Variants in MARCHF1 observed in about 807,000 individuals in gnomAD.
MARCHF1 encodes the protein E3 ubiquitin-protein ligase MARCHF1.
A neutral mutation model predicts 54.2 loss-of-function variants in MARCHF1; 40 were observed. That is an observed-to-expected ratio of 0.74 (90% CI 0.57 to 0.96). MARCHF1 has a LOEUF of 0.96. Ranked by LOEUF, MARCHF1 falls within the 40% of genes least tolerant of loss-of-function variation. The pLI is 0.00. For missense variants in MARCHF1, 586 were observed against 656.5 expected (o/e 0.89, Z 1.17); for synonymous variants, 236 against 236.3 (o/e 1.00, Z 0.01).
chr4:164,032,691 T>C (rs1045116130), intron 2 of MARCHF1, among the ~76,000 whole-genome samples: 16 of 152,218 alleles, frequency 1.1e-4, no homozygotes, highest in African/African-American at 3.9e-4. Flanking sequence ...CACTGTGGTC[T>C]AACAGACCGT....
intron 3 of MARCHF1, among the ~76,000 whole-genome samples, chr4:163,907,821 C>T (rs568147700): frequency 6.6e-6 from 1 of 152,206 alleles, no homozygotes; most frequent in African/African-American, 2.4e-5. Flanking sequence ...AGGTTTATTA[C>T]TTTAGAACGA....
At chr4:163,797,623 C>A (rs79504425) in intron 4 of MARCHF1, among the ~76,000 whole-genome samples, 23,116 of 151,870 alleles carry the variant, frequency 0.15, 2,388 homozygotes, top group Non-Finnish European at 0.23. Flanking sequence ...GTTTGATACT[C>A]CAGTTCACTA....
intron 4 of MARCHF1, chr4:163,829,148 T>C (rs2111086402): frequency 6.6e-6 from 1 of 152,234 alleles, no homozygotes; most frequent in South Asian, 2.1e-4. Flanking sequence ...CAAAAATAAA[T>C]ATATATCTTT....
chr4:164,317,182 T>G (rs1735021887), intron 1 of MARCHF1, among the ~76,000 whole-genome samples: 1 of 152,224 alleles, frequency 6.6e-6, no homozygotes, highest in Admixed American at 6.5e-5. Context: ...CTAAATTATA[T>G]TATGTGCAAA....
At chr4:164,194,855 C>A (rs1364764330) in intron 1 of MARCHF1, among the ~76,000 whole-genome samples, 2 of 151,970 alleles carry the variant, frequency 1.3e-5, no homozygotes, top group Non-Finnish European at 1.5e-5. Flanking sequence ...AGGTTTGTTA[C>A]ATAGATATAT....
intron 1 of MARCHF1, among the ~76,000 whole-genome samples, chr4:164,129,275 T>TG (rs1756250972): frequency 6.6e-6 from 1 of 152,156 alleles, no homozygotes; most frequent in East Asian, 1.9e-4. Context: ...TTCGGAAATA[T>TG]GATCTCATAA....
intron 3 of MARCHF1, among the ~76,000 whole-genome samples, chr4:163,881,385 C>T (rs1260169227): frequency 2.0e-5 from 3 of 152,032 alleles, no homozygotes; most frequent in Non-Finnish European, 4.4e-5. Context: ...GCAGGAGAAT[C>T]GCTTGAACCT....
At chr4:164,253,416 T>C (rs1175497260) in intron 1 of MARCHF1, among the ~76,000 whole-genome samples, 1 of 152,148 alleles carries the variant, frequency 6.6e-6, no homozygotes, top group Non-Finnish European at 1.5e-5. Context: ...TAAAGTAAGC[T>C]CAATGAATTA....
At chr4:163,869,190 T>C (rs1750118545) in intron 3 of MARCHF1, among the ~76,000 whole-genome samples, 1 of 151,874 alleles carries the variant, frequency 6.6e-6, no homozygotes, top group South Asian at 2.1e-4. Context: ...GTGAGTGAGT[T>C]TGGTAACATT....
At chr4:164,213,227 A>ATTG (rs1243608056) in intron 1 of MARCHF1, among the ~76,000 whole-genome samples, 1 of 146,514 alleles carries the variant, frequency 6.8e-6, no homozygotes, top group Non-Finnish European at 1.5e-5. Flanking sequence ...TATTATTATT[A>ATTG]TTATTATTAT....
chr4:163,709,611 G>C (rs886923922), intron 4 of MARCHF1, among the ~76,000 whole-genome samples: 1 of 152,104 alleles, frequency 6.6e-6, no homozygotes, highest in Non-Finnish European at 1.5e-5. Flanking sequence ...GCAAGAAACA[G>C]TTAATGTTCA....
At chr4:164,060,687 A>G (rs1754596645) in intron 2 of MARCHF1, among the ~76,000 whole-genome samples, 2 of 152,164 alleles carry the variant, frequency 1.3e-5, no homozygotes, top group South Asian at 4.1e-4. Context: ...GTCCCCTAGG[A>G]ACAGAACTTG....
In MARCHF1 at chr4:163,527,229, A is replaced by C. The variant is rs763156097; in HGVS notation, c.*1519T>G. The C allele has an allele frequency of 6.6e-6, 1 of 152,202 alleles. No individual in the cohort carries two copies. Among genetic ancestry groups the C allele is most frequent in the Non-Finnish European group, 1.5e-5 (1 of 67,940 alleles). The allele number at this position is 152,202 out of a possible 1,614,324, so 9.4% of individuals were successfully genotyped here. A position where few individuals can be genotyped will look rare whatever the true frequency, so the allele number is the denominator to read the frequency against. ...TCATTCACACATCAGTTTTACATGA[A>C]TATGCAAAGAACACAATAATCAACT... On this transcript the variant is annotated 3_prime_UTR_variant, in exon 10 of 10. Transcript: ENST00000514618.
At chr4:163,934,924 GT>G (rs1268435714) in intron 3 of MARCHF1, among the ~76,000 whole-genome samples, 1 of 152,096 alleles carries the variant, frequency 6.6e-6, no homozygotes, top group African/African-American at 2.4e-5. Flanking sequence ...CTTTCCAGAG[GT>G]TTTCAATTTA....
intron 1 of MARCHF1, among the ~76,000 whole-genome samples, chr4:164,143,221 G>C (rs894726736): frequency 6.6e-6 from 1 of 152,054 alleles, no homozygotes; most frequent in Non-Finnish European, 1.5e-5. Context: ...GTGACTGGGA[G>C]AATGGAACCA....
At chr4:164,084,733 T>C (rs957428440) in intron 2 of MARCHF1, among the ~76,000 whole-genome samples, 12 of 151,558 alleles carry the variant, frequency 7.9e-5, no homozygotes, top group African/African-American at 2.7e-4. Context: ...GCAATGTTTT[T>C]TCAGTGTTCT....
At chr4:164,376,028 G>A (rs1295187505) in intron 1 of MARCHF1, among the ~76,000 whole-genome samples, 3 of 152,084 alleles carry the variant, frequency 2.0e-5, no homozygotes, top group African/African-American at 7.2e-5. Flanking sequence ...ATGTGCACTG[G>A]CTTGTGTGAT....
chr4:163,718,347 A>T (rs1394453604), intron 4 of MARCHF1, among the ~76,000 whole-genome samples: 1 of 152,222 alleles, frequency 6.6e-6, no homozygotes, highest in African/African-American at 2.4e-5. Context: ...AAAAGAAACT[A>T]CCATCAGAGT....
intron 8 of MARCHF1, among the ~76,000 whole-genome samples, chr4:163,579,686 TG>T (rs1740157065): frequency 2.0e-5 from 3 of 152,146 alleles, no homozygotes; most frequent in African/African-American, 7.2e-5. Context: ...GGAATGAATA[TG>T]CATTGTGAAT....
Sources: gnomAD v4.1 joint callset for allele counts (sites outside exome capture counted in the v4.1 genomes callset) on GRCh38, gnomAD v4.1.1 for gene constraint, MANE v1.5 for transcripts, NCBI Gene and HGNC (gene_info 2026-07-23, HGNC 2026-07-21) for gene names.